MTR: variants seen among roughly 807,000 people sequenced by gnomAD.
MTR encodes methionine synthase.
MTR carries 84 observed loss-of-function variants against 154.8 expected under a neutral mutation model. That is an observed-to-expected ratio of 0.54 (90% CI 0.45 to 0.65). The LOEUF (loss-of-function observed/expected upper bound fraction) is 0.65. MTR is among the 30% of genes least tolerant of loss of function. The pLI is 0.00. For missense variants in MTR, 1,275 were observed against 1,570.2 expected (o/e 0.81, Z 3.18); for synonymous variants, 554 against 553.9 (o/e 1.00, Z 0.00).
intron 19 of MTR, among the ~76,000 whole-genome samples, chr1:236,860,852 CTTTG>C (rs1195173423): frequency 1.3e-5 from 2 of 152,046 alleles, no homozygotes; most frequent in Non-Finnish European, 2.9e-5. Context: ...GAGGTATTTA[CTTTG>C]TTTGTATCAA....
intron 22 of MTR, among the ~76,000 whole-genome samples, chr1:236,868,754 G>A (rs1664957564): frequency 6.6e-6 from 1 of 152,238 alleles, no homozygotes; most frequent in Non-Finnish European, 1.5e-5. Context: ...TCTAGTATAC[G>A]TAAAAGAGCA....
intron 15 of MTR, among the ~76,000 whole-genome samples, chr1:236,845,658 T>C (rs576415097): frequency 6.6e-6 from 1 of 152,282 alleles, no homozygotes; most frequent in African/African-American, 2.4e-5. Context: ...GAGAAATAGA[T>C]AGGTAACATA....
intron 2 of MTR, among the ~76,000 whole-genome samples, chr1:236,804,949 T>C (rs886141912): frequency 1.3e-5 from 2 of 152,210 alleles, no homozygotes; most frequent in Admixed American, 6.5e-5. Context: ...GCAGAATCTT[T>C]CCATGTCAGT....
intron 8 of MTR, among the ~76,000 whole-genome samples, chr1:236,823,696 T>G (rs1662107528): frequency 1.3e-5 from 2 of 151,544 alleles, no homozygotes; most frequent in African/African-American, 4.8e-5. Context: ...CCTGGTCTGG[T>G]CTCGTGGACT....
chr1:236,853,155 A>G (rs1664018227), intron 18 of MTR, 67 bp downstream of exon 18: 9 of 1,516,970 alleles, frequency 5.9e-6, no homozygotes, highest in Non-Finnish European at 8.2e-6. Flanking sequence ...ACCTACAGTT[A>G]GTAGACCTTC....
rs137960622 is a variant in MTR at position 236,889,197 on chromosome 1, T to C, written c.2868T>C (p.Ile956=). 32 of 1,614,210 alleles carry C rather than the reference T, an allele frequency of 2.0e-5. No homozygotes were observed. The African/African-American group carries it at 4.3e-4, about 22-fold the overall frequency. ...SEPHPVKPTF[I]GTQVFEDYDL... The stretch of plus-strand genomic sequence containing the variant: ...CTCCTGTAGTGAAGCCCACGTTTAT[T>C]GGGACCCAGGTCTTTGAAGACTATG... The change falls in exon 28 of 33, where the codon ATT becomes ATC. Residue 956 remains isoleucine (I), a synonymous_variant. Coordinates refer to ENST00000366577, the MANE Select transcript of MTR (RefSeq NM_000254.3).
chr1:236,880,661 G>A (rs1324418860), intron 24 of MTR, 94 bp from the exon 25 acceptor site: 6 of 1,020,444 alleles, frequency 5.9e-6, no homozygotes, highest in Non-Finnish European at 9.3e-6. Flanking sequence ...GGAAAGCACT[G>A]TAGAAATACA....
chr1:236,895,700 TC>T, intron 31 of MTR, 150 bp downstream of exon 31: 2 of 752,352 alleles, frequency 2.7e-6, no homozygotes, highest in Non-Finnish European at 4.3e-6. Context: ...TCGTAGCTAT[TC>T]TGCATTTTAC....
At position 236,900,648 on chromosome 1, in the gene MTR, G is replaced by A. The variant is rs1666880385; in HGVS notation, c.*3004G>A. 6.6e-6 allele frequency: 1 copy of A among 152,122 alleles called. No homozygotes were observed. The highest frequency in any genetic ancestry group is 1.5e-5 in the Non-Finnish European group (1 of 68,034). The allele number at this position is 152,122 out of a possible 1,614,324, so 9.4% of individuals were successfully genotyped here. A position where few individuals can be genotyped will look rare whatever the true frequency, so the allele number is the denominator to read the frequency against. ...CTTAAATATATTATAAAAAATAAAG[G>A]CAAAGTGGAATGATAACCTAAAATC... On this transcript the variant is annotated 3_prime_UTR_variant, in exon 33 of 33. Transcript: ENST00000366577.
intron 6 of MTR, 123 bp from the exon 7 acceptor site, chr1:236,815,481 A>G: frequency 1.1e-6 from 1 of 939,196 alleles, no homozygotes; most frequent in South Asian, 1.3e-5. Context: ...ACTTCTTCCC[A>G]GAGAGCTTGA....
At chr1:236,818,227 A>G (rs527811396) in intron 8 of MTR, among the ~76,000 whole-genome samples, 1 of 152,246 alleles carries the variant, frequency 6.6e-6, no homozygotes, top group Non-Finnish European at 1.5e-5. Flanking sequence ...CCTAATGTAA[A>G]CCATAGACTT....
chr1:236,849,395 C>T (rs963135675), intron 15 of MTR, among the ~76,000 whole-genome samples: 1 of 151,978 alleles, frequency 6.6e-6, no homozygotes, highest in African/African-American at 2.4e-5. Context: ...AGAAATACTC[C>T]GAAGAAGAAT....
At chr1:236,872,882 T>TG (rs1427798521) in intron 22 of MTR, among the ~76,000 whole-genome samples, 1 of 152,172 alleles carries the variant, frequency 6.6e-6, no homozygotes, top group Non-Finnish European at 1.5e-5. Context: ...GGCATGCCTG[T>TG]GGTCCCAGCT....
intron 26 of MTR, 63 bp from the exon 27 acceptor site, chr1:236,886,229 G>A (rs951493379): frequency 2.2e-6 from 3 of 1,368,314 alleles, no homozygotes; most frequent in Non-Finnish European, 3.1e-6. Context: ...TCTTGGACAT[G>A]TTTTCACAGT....
At chr1:236,891,067 A>G in intron 28 of MTR, 66 bp from the exon 29 acceptor site, 1 of 1,561,490 alleles carries the variant, frequency 6.4e-7, no homozygotes, top group Non-Finnish European at 8.8e-7. Flanking sequence ...TGGCTTTTAA[A>G]AGAAGCATTG....
chr1:236,851,781 C>A (rs1386415358), intron 16 of MTR, among the ~76,000 whole-genome samples: 1 of 152,098 alleles, frequency 6.6e-6, no homozygotes, highest in Non-Finnish European at 1.5e-5. Flanking sequence ...TTTTCTTACT[C>A]CATACTAAAG....
intron 5 of MTR, among the ~76,000 whole-genome samples, chr1:236,811,351 A>G (rs1661293195): frequency 1.3e-5 from 2 of 152,226 alleles, no homozygotes; most frequent in Non-Finnish European, 2.9e-5. Context: ...TTAGCATTAT[A>G]CATGTTATAA....
chr1:236,837,438 C>G (rs975416072), intron 14 of MTR, among the ~76,000 whole-genome samples: 1 of 152,194 alleles, frequency 6.6e-6, no homozygotes, highest in Non-Finnish European at 1.5e-5. Flanking sequence ...CCATGGCAGT[C>G]TGTGCTTCTC....
At chr1:236,891,714 AG>A (rs2147941247) in intron 29 of MTR, among the ~76,000 whole-genome samples, 1 of 152,336 alleles carries the variant, frequency 6.6e-6, no homozygotes, top group Non-Finnish European at 1.5e-5. Flanking sequence ...ATAGACTGTC[AG>A]GTGGCTTCCC....
Sources: allele counts gnomAD v4.1 joint callset (sites outside exome capture counted in the v4.1 genomes callset), GRCh38; gene constraint gnomAD v4.1.1; transcripts MANE v1.5; gene names NCBI Gene and HGNC (gene_info 2026-07-23, HGNC 2026-07-21).